Variants in STK32A observed in about 807,000 individuals in gnomAD.
STK32A encodes the protein serine/threonine kinase 32A.
A neutral mutation model predicts 53.2 loss-of-function variants in STK32A; 41 were observed. The ratio of observed to expected loss-of-function variants is 0.77; its 90% CI spans 0.60 to 1.00. The LOEUF is 1.00. Ranked by LOEUF, STK32A falls within the 50% of genes least tolerant of loss-of-function variation. STK32A has a pLI of 0.00. For synonymous variants in STK32A, 166 were observed against 162.8 expected (o/e 1.02, Z -0.15); for missense variants, 458 against 485.8 (o/e 0.94, Z 0.54).
chr5:147,245,019 T>G (rs1271234577), intron 2 of STK32A, among the ~76,000 whole-genome samples: 1 of 152,216 alleles, frequency 6.6e-6, no homozygotes, highest in Non-Finnish European at 1.5e-5. Flanking sequence ...CTATTCATGT[T>G]TCTATTGACT....
chr5:147,269,598 C>CA (rs1381719624), intron 2 of STK32A, among the ~76,000 whole-genome samples: 1 of 152,022 alleles, frequency 6.6e-6, no homozygotes, highest in African/African-American at 2.4e-5. Flanking sequence ...ATTAACATGC[C>CA]AAAAAAGGCA....
intron 2 of STK32A, among the ~76,000 whole-genome samples, chr5:147,247,195 T>C (rs1391249078): frequency 2.0e-5 from 3 of 152,252 alleles, no homozygotes; most frequent in Non-Finnish European, 4.4e-5. Context: ...AGCTGACTTC[T>C]GCTGTATGGC....
intron 2 of STK32A, among the ~76,000 whole-genome samples, chr5:147,260,781 C>A (rs1754528394): frequency 6.6e-6 from 1 of 152,178 alleles, no homozygotes; most frequent in African/African-American, 2.4e-5. Flanking sequence ...CGCCCTAAGC[C>A]ATATGAGGCA....
chr5:147,393,956 C>T, the STK32A span: 1 of 1,436,866 alleles, frequency 7.0e-7, no homozygotes, highest in Non-Finnish European at 9.8e-7. Flanking sequence ...ATTCGCTTTC[C>T]TTCTTAAATA....
At chr5:147,395,683 A>G in the STK32A span, 16 of 1,613,972 alleles carry the variant, frequency 9.9e-6, no homozygotes, top group Non-Finnish European at 1.3e-5. Flanking sequence ...ACACAGGCCC[A>G]TCGTACATGC....
chr5:147,282,086 C>G (rs992287594), intron 4 of STK32A, among the ~76,000 whole-genome samples: 3 of 152,196 alleles, frequency 2.0e-5, no homozygotes, highest in Admixed American at 1.3e-4. Flanking sequence ...GTCACCACTA[C>G]AAGAACCGCT....
Position 147,262,193 on chromosome 5 carries a change from G to C in STK32A, c.53-15931G>C, listed in dbSNP as rs559728879. Among the ~76,000 whole-genome samples the C allele has an allele frequency of 7.2e-5, 11 of 152,244 alleles. No individual in the cohort carries two copies. The South Asian group carries it at 2.3e-3, about 32-fold the overall frequency. ...TGGTTCACACAGCCAGGAAGAGGCA[G>C]AGGCAGAATCCTCACCCCACTTCTG... On this transcript the variant is annotated intron_variant, in intron 2 of 12. Coordinates refer to ENST00000397936, the MANE Select transcript of STK32A (RefSeq NM_001112724.2).
intron 4 of STK32A, among the ~76,000 whole-genome samples, chr5:147,289,632 A>G (rs543550082): frequency 6.6e-6 from 1 of 152,042 alleles, no homozygotes; most frequent in South Asian, 2.1e-4. Context: ...TATGTATTAT[A>G]TATATGAATA....
chr5:147,332,311 A>G (rs1308004996), intron 5 of STK32A, among the ~76,000 whole-genome samples: 1 of 148,818 alleles, frequency 6.7e-6, no homozygotes, highest in East Asian at 2.0e-4. Flanking sequence ...TTACTTTTGT[A>G]TTTCAGGTTT....
chr5:147,292,831 A>T (rs1752666799), intron 4 of STK32A, among the ~76,000 whole-genome samples: 1 of 151,950 alleles, frequency 6.6e-6, no homozygotes, highest in Admixed American at 6.6e-5. Context: ...ATTGCACTCC[A>T]GCCTGGGCAA....
intron 11 of STK32A, 49 bp downstream of exon 11, chr5:147,375,267 C>G (rs771064823): frequency 2.5e-6 from 4 of 1,585,308 alleles, no homozygotes; most frequent in Non-Finnish European, 1.7e-6. Flanking sequence ...CCCATGATGG[C>G]TGCAATATCT....
At chr5:147,337,327 G>A (rs552363341) in intron 5 of STK32A, among the ~76,000 whole-genome samples, 6 of 152,122 alleles carry the variant, frequency 3.9e-5, no homozygotes, top group East Asian at 1.9e-4. Context: ...TCATAGGCTC[G>A]TAACAGGCAT....
chr5:147,374,119 T>C (rs879636408), intron 10 of STK32A, among the ~76,000 whole-genome samples: 1 of 151,754 alleles, frequency 6.6e-6, no homozygotes, highest in Non-Finnish European at 1.5e-5. Flanking sequence ...ACCGTGTCTC[T>C]ACAGAAAAAG....
At chr5:147,251,723 C>A (rs2053033) in intron 2 of STK32A, among the ~76,000 whole-genome samples, 1 of 151,952 alleles carries the variant, frequency 6.6e-6, no homozygotes, top group Non-Finnish European at 1.5e-5. Context: ...TCGCTTCTGC[C>A]GTAACTCACA....
chr5:147,319,173 C>A (rs1423174976), intron 4 of STK32A, among the ~76,000 whole-genome samples: 3 of 142,950 alleles, frequency 2.1e-5, no homozygotes, highest in Non-Finnish European at 4.5e-5. Flanking sequence ...GACGGAGTCT[C>A]GCTGTGTCGC....
intron 5 of STK32A, among the ~76,000 whole-genome samples, chr5:147,326,966 G>T (rs949505652): frequency 3.3e-5 from 5 of 152,060 alleles, no homozygotes; most frequent in Non-Finnish European, 7.4e-5. Flanking sequence ...CAATCCTCCT[G>T]CCTCAGCCTC....
chr5:147,350,388 G>T (rs1451121528), intron 6 of STK32A, among the ~76,000 whole-genome samples: 1 of 150,072 alleles, frequency 6.7e-6, no homozygotes, highest in Non-Finnish European at 1.5e-5. Flanking sequence ...TTTTGAGATA[G>T]TCTCACTCTG....
rs371434426 is a variant in STK32A, at chr5:147,248,062, G to A, written c.52+8376G>A. On this transcript the variant is annotated intron_variant, in intron 2 of 12. Coordinates refer to ENST00000397936, the MANE Select transcript of STK32A (RefSeq NM_001112724.2). ...CTTGAATGCAGGAGGCAGAGGTTGC[G>A]GTGAGCCCAGATTGCACCATTGCAC... 6.0e-5 allele frequency among the ~76,000 whole-genome samples: 9 copies of A among 150,446 alleles called. No individual in the cohort carries two copies. In the East Asian group the frequency reaches 7.8e-4, roughly 13 times the overall value.
intron 5 of STK32A, among the ~76,000 whole-genome samples, chr5:147,326,343 A>G (rs570537232): frequency 1.6e-4 from 24 of 152,302 alleles, no homozygotes; most frequent in Admixed American, 2.6e-4. Flanking sequence ...TGGTAAAGGT[A>G]TGGAAGGCAA....
Sources: allele counts gnomAD v4.1 joint callset (sites outside exome capture counted in the v4.1 genomes callset), GRCh38; gene constraint gnomAD v4.1.1; transcripts MANE v1.5; gene names NCBI Gene and HGNC (gene_info 2026-07-23, HGNC 2026-07-21).